SIN3B: variants seen among roughly 807,000 people sequenced by gnomAD.
SIN3B encodes paired amphipathic helix protein Sin3b.
A neutral mutation model predicts 120.2 loss-of-function variants in SIN3B; 19 were observed. That is an observed-to-expected ratio of 0.16 (90% CI 0.11 to 0.23). The LOEUF (loss-of-function observed/expected upper bound fraction) is 0.23. SIN3B is among the 10% of genes least tolerant of loss of function. The pLI is 1.00. For missense variants in SIN3B, 1,073 were observed against 1,573.0 expected (o/e 0.68, Z 5.38); for synonymous variants, 654 against 653.2 (o/e 1.00, Z -0.02).
intron 12 of SIN3B, among the ~76,000 whole-genome samples, chr19:16,867,459 G>T (rs977446747): frequency 6.6e-6 from 1 of 152,144 alleles, no homozygotes; most frequent in Non-Finnish European, 1.5e-5. Flanking sequence ...GTGCCTGCTT[G>T]CAGGATCCTG....
intron 14 of SIN3B, chr19:16,875,824 TGTTTG>T (rs1455403704): frequency 1.7e-6 from 1 of 573,530 alleles, no homozygotes; most frequent in African/African-American, 1.9e-5. Flanking sequence ...TGGTCTGGTC[TGTTTG>T]GTTTGGTCTG....
At position 16,829,779 on chromosome 19, in the gene SIN3B, C is replaced by T. The variant is rs760051789; in HGVS notation, c.121-12C>T. The stretch of plus-strand genomic sequence containing the variant: ...CGGCCAGGGCCCACCGGGACCCTCC[C>T]CCTCTCTGCAGGTAGAAGACGCCCT... On this transcript the variant is annotated splice_polypyrimidine_tract_variant and intron_variant, in intron 1 of 18. Transcript: ENST00000248054. 10 of 1,605,006 alleles carry T rather than the reference C, an allele frequency of 6.2e-6. No homozygotes were observed. The highest frequency in any genetic ancestry group is 8.5e-6 in the Non-Finnish European group (10 of 1,172,198).
intron 8 of SIN3B, among the ~76,000 whole-genome samples, chr19:16,858,108 C>T (rs1971640650): frequency 6.6e-6 from 1 of 152,070 alleles, no homozygotes; most frequent in Admixed American, 6.5e-5. Context: ...AACTCCTGGC[C>T]TCAAGTGATC....
intron 17 of SIN3B, 67 bp downstream of exon 17, chr19:16,877,706 T>TCAG: frequency 8.9e-7 from 1 of 1,123,988 alleles, no homozygotes; most frequent in Non-Finnish European, 1.3e-6. Context: ...CCCTTTGTCC[T>TCAG]GACGGGGGCT....
chr19:16,835,173 G>C (rs1971331563), intron 3 of SIN3B, among the ~76,000 whole-genome samples: 1 of 150,398 alleles, frequency 6.6e-6, no homozygotes. Flanking sequence ...TGATCTGCCT[G>C]CCTCGGCCTC....
In SIN3B at chr19:16,866,554, G is replaced by A; in HGVS notation, c.1804G>A (p.Glu602Lys). The A allele has an allele frequency of 2.5e-6, 4 of 1,613,554 alleles. No homozygotes were observed. Among genetic ancestry groups the A allele is most frequent in the Non-Finnish European group, 3.4e-6 (4 of 1,179,938 alleles). Residue 602 changes from glutamate to lysine, a missense_variant and splice_region_variant, in exon 12 of 19, where the codon GAG becomes AAG. Glu to Lys is a moderately conservative substitution (Grantham distance 56). This residue lies in a region of SIN3B where 169 missense variants were observed against 207.3 expected (regional missense o/e 0.82). Transcript: ENST00000248054. ...LLNEIESVYD[E>K]HQEQHSEGRS... The stretch of plus-strand genomic sequence containing the variant: ...CAACGAGATCGAGAGCGTCTACGAC[G>A]AGGTAAAGCCTTCCCTAGCCCTGCC...
intron 1 of SIN3B, 50 bp from the exon 2 acceptor site, chr19:16,829,741 T>A: frequency 6.6e-7 from 1 of 1,506,684 alleles, no homozygotes; most frequent in Non-Finnish European, 9.2e-7. Context: ...CGGCCCCTCG[T>A]CCCCTCGTTC....
chr19:16,853,699 C>T (rs982356370), intron 7 of SIN3B, among the ~76,000 whole-genome samples: 7 of 137,962 alleles, frequency 5.1e-5, no homozygotes, highest in South Asian at 2.3e-4. Context: ...CTGCACGGAT[C>T]GCGTGCACGG....
rs1971419236 is a variant in SIN3B, at chr19:16,841,729, A to C, written c.382-39A>C. The C allele has an allele frequency of 1.9e-6, 3 of 1,582,138 alleles. No homozygotes were observed. The East Asian group carries it at 6.7e-5, about 35-fold the overall frequency. On this transcript the variant is annotated intron_variant, in intron 3 of 18. Transcript: ENST00000248054. ...CTGGTGTTTTTCACAATCTGTTTCCAGTGTCGGGCCTGGCAGTAACTCATT... is the reference window on the plus strand; with the variant it reads ...CTGGTGTTTTTCACAATCTGTTTCCCGTGTCGGGCCTGGCAGTAACTCATT...
chr19:16,877,684 C>T, intron 17 of SIN3B, 45 bp downstream of exon 17: 1 of 1,359,508 alleles, frequency 7.4e-7, no homozygotes, highest in Admixed American at 1.9e-5. Context: ...CTTCCTGGGC[C>T]CAGGGAGTGT....
At chr19:16,863,033 A>C in intron 9 of SIN3B, 1 of 1,318,426 alleles carries the variant, frequency 7.6e-7, no homozygotes, top group Middle Eastern at 1.8e-4. Context: ...TTGTAAATAA[A>C]GTTTTACTGT....
intron 5 of SIN3B, among the ~76,000 whole-genome samples, chr19:16,849,605 G>A (rs1279394941): frequency 6.6e-6 from 1 of 152,328 alleles, no homozygotes; most frequent in Admixed American, 6.5e-5. Flanking sequence ...TAGCTCAGAT[G>A]TTCACATAAT....
At chr19:16,852,521 A>G (rs10420051) in intron 6 of SIN3B, among the ~76,000 whole-genome samples, 12,380 of 152,302 alleles carry the variant, frequency 0.081, 978 homozygotes, top group African/African-American at 0.2. Flanking sequence ...TGTTGGGATT[A>G]CAGGCGTGAG....
At chr19:16,874,578 CTGGTCTGGTTTGGTGTGGTTTTGGTT>C (rs1173874742) in intron 14 of SIN3B, among the ~76,000 whole-genome samples, 2 of 147,532 alleles carry the variant, frequency 1.4e-5, no homozygotes, top group Non-Finnish European at 3.0e-5. Flanking sequence ...CTGATTTGGT[CTGGTCTGGTTTGGTGTGGTTTTGGTT>C]TGGTCTGGTC....
chr19:16,871,752 T>C (rs2051514491), intron 14 of SIN3B: 2 of 237,486 alleles, frequency 8.4e-6, no homozygotes, highest in South Asian at 1.2e-4. Context: ...GCTTCATTCC[T>C]TTTTATGGCT....
chr19:16,831,425 G>T (rs1971276915), intron 2 of SIN3B, 69 bp from the exon 3 acceptor site: 2 of 1,481,826 alleles, frequency 1.3e-6, no homozygotes, highest in Non-Finnish European at 1.9e-6. Context: ...TATCAAGGGA[G>T]TGGGGAATAG....
chr19:16,851,772 C>T (rs1396593445), intron 6 of SIN3B, among the ~76,000 whole-genome samples: 1 of 152,190 alleles, frequency 6.6e-6, no homozygotes, highest in Non-Finnish European at 1.5e-5. Flanking sequence ...GGAGTGTTAA[C>T]CCTGCCCTAG....
At chr19:16,832,308 C>T (rs751402034) in intron 3 of SIN3B, among the ~76,000 whole-genome samples, 2 of 151,220 alleles carry the variant, frequency 1.3e-5, no homozygotes, top group Non-Finnish European at 2.9e-5. Flanking sequence ...AGCAATTCTC[C>T]TGCCTCAGCC....
intron 3 of SIN3B, among the ~76,000 whole-genome samples, chr19:16,840,510 T>A (rs576544927): frequency 1.3e-5 from 2 of 152,348 alleles, no homozygotes; most frequent in Non-Finnish European, 2.9e-5. Context: ...TACCTCGTTG[T>A]GGCAGCCTGA....
Sources: gnomAD v4.1 joint callset for allele counts (sites outside exome capture counted in the v4.1 genomes callset) on GRCh38, gnomAD v4.1.1 for gene constraint, gnomAD v4.1.1 regional missense constraint, MANE v1.5 for transcripts, NCBI Gene and HGNC (gene_info 2026-07-23, HGNC 2026-07-21) for gene names.